The following ANO6 variants were observed in gnomAD, a reference collection of about 807,000 sequenced individuals.
ANO6 encodes the protein anoctamin 6.
ANO6 carries 106 observed loss-of-function variants against 117.5 expected under a neutral mutation model. That is an observed-to-expected ratio of 0.90 (90% CI 0.77 to 1.06). The LOEUF is 1.06. ANO6 is among the 50% of genes least tolerant of loss of function. The pLI, the probability that ANO6 is intolerant of heterozygous loss-of-function variation, is 0.00. For missense variants in ANO6, 955 were observed against 1,121.1 expected, an observed-to-expected ratio of 0.85 and a Z score of 2.12; for synonymous variants, 367 against 385.1, an observed-to-expected ratio of 0.95 and a Z score of 0.55.
At chr12:45,267,436 T>G (rs1393104796) in intron 1 of ANO6, among the ~76,000 whole-genome samples, 2 of 152,200 alleles carry the variant, frequency 1.3e-5, no homozygotes, top group African/African-American at 4.8e-5. Context: ...TGAGGTACTT[T>G]GGGTTAGGGC....
At chr12:45,250,218 G>T (rs1947881660) in intron 1 of ANO6, among the ~76,000 whole-genome samples, 1 of 152,230 alleles carries the variant, frequency 6.6e-6, no homozygotes, top group South Asian at 2.1e-4. Context: ...AAATGGGAAT[G>T]AAGAGGTGAC....
chr12:45,381,748 A>C (rs967556720), intron 10 of ANO6, among the ~76,000 whole-genome samples: 1 of 152,224 alleles, frequency 6.6e-6, no homozygotes, highest in Non-Finnish European at 1.5e-5. Flanking sequence ...CCTATAGTTC[A>C]GAATTTCGTA....
chr12:45,371,280 G>A (rs1183311453), intron 9 of ANO6, among the ~76,000 whole-genome samples: 1 of 152,234 alleles, frequency 6.6e-6, no homozygotes, highest in African/African-American at 2.4e-5. Context: ...AGCGAGGCTA[G>A]GGGAGGGGCG....
intron 3 of ANO6, among the ~76,000 whole-genome samples, chr12:45,342,797 C>A (rs1941017763): frequency 6.6e-6 from 1 of 152,118 alleles, no homozygotes; most frequent in Non-Finnish European, 1.5e-5. Flanking sequence ...AGTAATTGAA[C>A]AGTAGGCAGG....
At chr12:45,316,590 C>A (rs897659817) in intron 2 of ANO6, among the ~76,000 whole-genome samples, 3 of 151,990 alleles carry the variant, frequency 2.0e-5, no homozygotes, top group Non-Finnish European at 4.4e-5. Flanking sequence ...AGTCTATTGC[C>A]ACCTAATTAT....
At chr12:45,433,284 TC>T (rs781605285), downstream of ANO6, among the ~76,000 whole-genome samples, 22 of 152,236 alleles carry the variant, frequency 1.4e-4, no homozygotes, top group Non-Finnish European at 2.9e-4. Context: ...AGTGGCTGAC[TC>T]CCTTTGCTAT....
chr12:45,238,851 T>C (rs1947690650), intron 1 of ANO6, among the ~76,000 whole-genome samples: 1 of 152,228 alleles, frequency 6.6e-6, no homozygotes, highest in Non-Finnish European at 1.5e-5. Flanking sequence ...GTTTATTGAT[T>C]TGTGTATGTT....
At chr12:45,355,228 G>A (rs562450328) in intron 7 of ANO6, among the ~76,000 whole-genome samples, 2 of 152,296 alleles carry the variant, frequency 1.3e-5, no homozygotes, top group South Asian at 4.1e-4. Context: ...GTTTGGCAGA[G>A]AGGGACAATG....
chr12:45,431,884 A>T lies in ANO6; in HGVS notation c.*2573A>T. ...TTTTTTAATGCCTGTGAATTTTAGC[A>T]TATTGAAACATTAGAGCAAATACTC... On this transcript the variant is annotated 3_prime_UTR_variant, in exon 20 of 20. Coordinates refer to ENST00000320560, the MANE Select transcript of ANO6 (RefSeq NM_001025356.3). 1.0e-6 allele frequency: 1 copy of T among 985,472 alleles called. No individual in the cohort carries two copies. The highest frequency in any genetic ancestry group is 1.2e-6 in the Non-Finnish European group (1 of 829,940). The allele number at this position is 985,472 out of a possible 1,614,324, so 61.0% of individuals were successfully genotyped here.
chr12:45,239,120 C>A (rs768370614), intron 1 of ANO6, among the ~76,000 whole-genome samples: 2 of 152,106 alleles, frequency 1.3e-5, no homozygotes, highest in African/African-American at 2.4e-5. Flanking sequence ...GGAATGGTAC[C>A]AGCTCCTCTT....
At chr12:45,380,628 A>G (rs1239055533) in intron 10 of ANO6, among the ~76,000 whole-genome samples, 2 of 152,208 alleles carry the variant, frequency 1.3e-5, no homozygotes, top group Non-Finnish European at 2.9e-5. Flanking sequence ...ATTTTAAAAA[A>G]TCAGATCTGG....
At chr12:45,308,968 G>T (rs1358618003) in intron 2 of ANO6, among the ~76,000 whole-genome samples, 1 of 152,088 alleles carries the variant, frequency 6.6e-6, no homozygotes, top group Non-Finnish European at 1.5e-5. Context: ...AAAGAAGAGG[G>T]TTGGCAGATT....
chr12:45,397,114 C>T (rs1202317636), intron 12 of ANO6, among the ~76,000 whole-genome samples: 1 of 152,138 alleles, frequency 6.6e-6, no homozygotes, highest in African/African-American at 2.4e-5. Flanking sequence ...GGGCTAATAT[C>T]CAGAATCTAC....
At chr12:45,409,613 C>A in intron 16 of ANO6, 126 bp downstream of exon 16, 1 of 1,130,612 alleles carries the variant, frequency 8.8e-7, no homozygotes, top group Non-Finnish European at 1.3e-6. Context: ...ATGTTTTTCT[C>A]CACTAGATAA....
At chr12:45,283,389 A>G (rs1027888529) in intron 1 of ANO6, among the ~76,000 whole-genome samples, 4 of 152,184 alleles carry the variant, frequency 2.6e-5, no homozygotes, top group African/African-American at 4.8e-5. Flanking sequence ...GCTTTGGGCT[A>G]TGATCAGAAG....
intron 2 of ANO6, among the ~76,000 whole-genome samples, chr12:45,307,045 A>G (rs1381535843): frequency 6.6e-6 from 1 of 152,132 alleles, no homozygotes; most frequent in Non-Finnish European, 1.5e-5. Context: ...TGGCTGGAGT[A>G]GAATGAAAGA....
intron 10 of ANO6, among the ~76,000 whole-genome samples, chr12:45,384,311 A>G (rs1369812528): frequency 6.6e-6 from 1 of 152,194 alleles, no homozygotes; most frequent in East Asian, 1.9e-4. Context: ...ATCAGCAATA[A>G]GGTTGTTTCA....
chr12:45,289,522 C>T (rs1476948116), intron 1 of ANO6, among the ~76,000 whole-genome samples: 1 of 152,164 alleles, frequency 6.6e-6, no homozygotes, highest in Non-Finnish European at 1.5e-5. Context: ...AAAGCTTATA[C>T]CACCCCACAC....
intron 14 of ANO6, 96 bp downstream of exon 14, chr12:45,403,337 AT>A: frequency 1.9e-6 from 3 of 1,540,702 alleles, no homozygotes; most frequent in Non-Finnish European, 2.7e-6. Flanking sequence ...CCTTAGATTT[AT>A]TTTTTAGCCT....
Sources: gnomAD v4.1 joint callset for allele counts (sites outside exome capture counted in the v4.1 genomes callset) on GRCh38, gnomAD v4.1.1 for gene constraint, MANE v1.5 for transcripts, NCBI Gene and HGNC (gene_info 2026-07-23, HGNC 2026-07-21) for gene names.